Variants in SH3RF3 observed in about 807,000 individuals in gnomAD.
The protein encoded by SH3RF3 is E3 ubiquitin-protein ligase SH3RF3.
A neutral mutation model predicts 66.3 loss-of-function variants in SH3RF3; 29 were observed. The observed-to-expected ratio is 0.44, with a 90% CI of 0.33 to 0.60. The LOEUF is 0.60. Among genes scored for constraint, SH3RF3 ranks in the 20% least tolerant of loss-of-function variants. SH3RF3 has a pLI of 0.04. For missense variants in SH3RF3, 1,194 were observed against 1,190.9 expected, an observed-to-expected ratio of 1.00 and a Z score of -0.04; for synonymous variants, 583 against 532.0, an observed-to-expected ratio of 1.10 and a Z score of -1.32.
At chr2:109,397,726 C>A (rs1040876245) in intron 3 of SH3RF3, among the ~76,000 whole-genome samples, 1 of 152,198 alleles carries the variant, frequency 6.6e-6, no homozygotes, top group African/African-American at 2.4e-5. Context: ...TGTGCCTGGG[C>A]TGCCCCTCCC....
intron 1 of SH3RF3, among the ~76,000 whole-genome samples, chr2:109,325,692 TCTC>T (rs1682137866): frequency 6.6e-6 from 1 of 152,298 alleles, no homozygotes; most frequent in African/African-American, 2.4e-5. Context: ...TGCCCACTCA[TCTC>T]CTGGTTTCCA....
intron 9 of SH3RF3, among the ~76,000 whole-genome samples, chr2:109,495,523 ACT>A (rs376665521): frequency 0.033 from 2,481 of 75,378 alleles, 60 homozygotes; most frequent in East Asian, 0.15. Context: ...ACAAAGTCTC[ACT>A]CTGTCTGCTG....
At chr2:109,270,918 A>C in intron 1 of SH3RF3, among the ~76,000 whole-genome samples, 1 of 152,208 alleles carries the variant, frequency 6.6e-6, no homozygotes, top group South Asian at 2.1e-4. Flanking sequence ...ATCAGGAGGG[A>C]GACACCAGCG....
In SH3RF3 at chr2:109,490,716, G is replaced by T; in HGVS notation, c.2260G>T (p.Ala754Ser). The change falls in exon 9 of 10, where the codon GCC (alanine) becomes TCC (serine). Residue 754 changes from alanine (A) to serine (S), a missense_variant. Ala to Ser is a moderately conservative substitution (Grantham distance 99). Transcript: ENST00000309415. ...PTHDPQVAVD[A>S]LLQGAVGPEV... ...CCACGACCCCCAGGTGGCCGTGGAC[G>T]CCCTGCTCCAAGGTGCAGTGGGCCC... 6.5e-7 allele frequency: 1 copy of T among 1,534,674 alleles called. No homozygotes were observed. The highest frequency in any genetic ancestry group is 8.7e-7 in the Non-Finnish European group (1 of 1,145,104).
At chr2:109,415,485 T>C (rs1483374114) in intron 4 of SH3RF3, among the ~76,000 whole-genome samples, 1 of 152,082 alleles carries the variant, frequency 6.6e-6, no homozygotes, top group Non-Finnish European at 1.5e-5. Flanking sequence ...CGGCTGCTAT[T>C]CCTACTAACA....
chr2:109,396,744 C>T (rs1445373446), intron 3 of SH3RF3, among the ~76,000 whole-genome samples: 2 of 152,086 alleles, frequency 1.3e-5, no homozygotes, highest in Admixed American at 6.5e-5. Flanking sequence ...CACCTGCGGG[C>T]CTCACATGCA....
chr2:109,413,865 TC>T lies in SH3RF3; in HGVS notation c.1300-5672del, dbSNP rs1158100837. On this transcript the variant is annotated intron_variant, in intron 4 of 9. Transcript: ENST00000309415. ...CCCTGCAGGGAGCACACTGGGGTCT[TC>T]CGCATCCCATGAGTGGGATCAAGAG... Among the ~76,000 whole-genome samples the T allele has an allele frequency of 2.6e-5, 4 of 152,344 alleles. No homozygotes were observed. The East Asian group carries it at 7.7e-4, about 29-fold the overall frequency.
intron 1 of SH3RF3, among the ~76,000 whole-genome samples, chr2:109,163,129 GC>G (rs1249730864): frequency 6.6e-6 from 1 of 152,188 alleles, no homozygotes; most frequent in Non-Finnish European, 1.5e-5. Context: ...CAGTGGAATT[GC>G]AGGACCCAGC....
At chr2:109,219,814 T>A (rs535127534) in intron 1 of SH3RF3, among the ~76,000 whole-genome samples, 1 of 152,222 alleles carries the variant, frequency 6.6e-6, no homozygotes. Context: ...TGTTCATGGA[T>A]TGGAAGACTT....
chr2:109,305,767 A>T (rs1215074189), intron 1 of SH3RF3, among the ~76,000 whole-genome samples: 1 of 152,212 alleles, frequency 6.6e-6, no homozygotes, highest in Non-Finnish European at 1.5e-5. Flanking sequence ...CGGTTCCCTG[A>T]GACAGATGCC....
At chr2:109,343,182 A>G (rs1682596453) in intron 1 of SH3RF3, among the ~76,000 whole-genome samples, 1 of 152,150 alleles carries the variant, frequency 6.6e-6, no homozygotes. Context: ...TTTCTCCCCC[A>G]TAATAGCATC....
chr2:109,455,544 CATGAT>C (rs1678029260), intron 8 of SH3RF3, among the ~76,000 whole-genome samples: 1 of 152,134 alleles, frequency 6.6e-6, no homozygotes, highest in African/African-American at 2.4e-5. Flanking sequence ...CATATACACT[CATGAT>C]ATTATATAGG....
intron 8 of SH3RF3, among the ~76,000 whole-genome samples, chr2:109,466,567 C>T (rs1296803595): frequency 6.6e-6 from 1 of 152,196 alleles, no homozygotes; most frequent in Admixed American, 6.5e-5. Flanking sequence ...TTTCAGAGCA[C>T]AAGTTGTTAA....
At chr2:109,446,942 C>T (rs1002291101) in intron 7 of SH3RF3, among the ~76,000 whole-genome samples, 2 of 151,646 alleles carry the variant, frequency 1.3e-5, no homozygotes, top group African/African-American at 2.4e-5. Context: ...GACCCTGGAC[C>T]GAGAGAAGGG....
intron 1 of SH3RF3, among the ~76,000 whole-genome samples, chr2:109,156,618 G>T (rs1374022581): frequency 1.3e-5 from 2 of 152,102 alleles, no homozygotes; most frequent in African/African-American, 4.8e-5. Flanking sequence ...GCTAATTTTT[G>T]TATTTTTAGT....
At chr2:109,396,741 G>A (rs536832397) in intron 3 of SH3RF3, among the ~76,000 whole-genome samples, 81 of 152,224 alleles carry the variant, frequency 5.3e-4, no homozygotes, top group Admixed American at 1.2e-3. Context: ...TGGCACCTGC[G>A]GGCCTCACAT....
intron 1 of SH3RF3, among the ~76,000 whole-genome samples, chr2:109,340,812 G>C (rs1004687496): frequency 6.6e-6 from 1 of 152,140 alleles, no homozygotes; most frequent in African/African-American, 2.4e-5. Flanking sequence ...TTTGTCAAAA[G>C]GTGCATTCTA....
In SH3RF3 at chr2:109,504,493, TCACACACACAAA is replaced by T. The variant is rs1679479626; in HGVS notation, c.*2832_*2843del. The T allele has an allele frequency of 6.9e-6, 1 of 144,534 alleles. No individual in the cohort carries two copies. The highest frequency in any genetic ancestry group is 1.6e-5 in the Non-Finnish European group (1 of 62,824). The allele number at this position is 144,534 out of a possible 1,614,324, so 9.0% of individuals were successfully genotyped here. A position where few individuals can be genotyped will look rare whatever the true frequency, so the allele number is the denominator to read the frequency against. On this transcript the variant is annotated 3_prime_UTR_variant, in exon 10 of 10. Transcript: ENST00000309415. ...GGAGATCCTTTGTACTTTGCACAGT[TCACACACACAAA>T]CACACACACCCTATCCCAAGTGTTT...
chr2:109,222,034 T>C lies in SH3RF3; in HGVS notation c.573+91921T>C, dbSNP rs539679195. Among the ~76,000 whole-genome samples, 23 of 150,552 alleles carry C rather than the reference T, an allele frequency of 1.5e-4. No individual in the cohort carries two copies. The South Asian group carries it at 4.8e-3, about 31-fold the overall frequency. The stretch of plus-strand genomic sequence containing the variant: ...TCAGCCTTTCAAAAGAATGAAATCA[T>C]GTCATTTGCAGCAACATGGATGAAA... On this transcript the variant is annotated intron_variant, in intron 1 of 9. Coordinates refer to ENST00000309415, the MANE Select transcript of SH3RF3 (RefSeq NM_001099289.3).
Sources: allele counts gnomAD v4.1 joint callset (sites outside exome capture counted in the v4.1 genomes callset), GRCh38; gene constraint gnomAD v4.1.1; transcripts MANE v1.5; gene names NCBI Gene and HGNC (gene_info 2026-07-23, HGNC 2026-07-21).